The following MED17 variants were observed in gnomAD, a reference collection of about 807,000 sequenced individuals.
The protein encoded by MED17 is mediator complex subunit 17.
A neutral mutation model predicts 80.8 loss-of-function variants in MED17; 49 were observed. That is an observed-to-expected ratio of 0.61 (90% CI 0.48 to 0.77). MED17 has a LOEUF of 0.77. Among genes scored for constraint, MED17 ranks in the 30% least tolerant of loss-of-function variants. The pLI is 0.00. For missense variants in MED17, 718 were observed against 787.0 expected (o/e 0.91, Z 1.05); for synonymous variants, 281 against 280.4 (o/e 1.00, Z -0.02).
chr11:93,784,332 G>A lies in MED17; in HGVS notation c.-182G>A, dbSNP rs1031094148. 8.8e-6 allele frequency: 7 copies of A among 793,906 alleles called. No homozygotes were observed. The highest frequency in any genetic ancestry group is 7.9e-5 in the South Asian group (4 of 50,660). 49.2% of individuals were successfully genotyped at this position (793,906 alleles called of 1,614,324 possible). A position where few individuals can be genotyped will look rare whatever the true frequency, so the allele number is the denominator to read the frequency against. Reference sequence around the variant, plus strand: ...GGAGGGAGCTTGCGGTGCGTTCTGGGAAAGTTGCTGGGCCAGCTCCTTTGT... The same window carrying A: ...GGAGGGAGCTTGCGGTGCGTTCTGGAAAAGTTGCTGGGCCAGCTCCTTTGT... On this transcript the variant is annotated 5_prime_UTR_variant, in exon 1 of 12. Coordinates refer to ENST00000251871, the MANE Select transcript of MED17 (RefSeq NM_004268.5).
chr11:93,803,999 GTATATATATATATATATA>G (rs1166820708), intron 9 of MED17, among the ~76,000 whole-genome samples: 1 of 27,132 alleles, frequency 3.7e-5, no homozygotes, highest in African/African-American at 9.3e-5. Flanking sequence ...ATATGTGTGT[GTATATATATATATATATA>G]TATATATATA....
At chr11:93,791,095 G>A (rs142705162) in intron 3 of MED17, among the ~76,000 whole-genome samples, 37 of 152,306 alleles carry the variant, frequency 2.4e-4, no homozygotes, top group African/African-American at 5.8e-4. Flanking sequence ...GGGACAGAGC[G>A]AGACTCTCTC....
chr11:93,810,012 A>G (rs941401215), intron 11 of MED17, 136 bp downstream of exon 11: 33 of 860,452 alleles, frequency 3.8e-5, no homozygotes, highest in Non-Finnish European at 6.4e-5. Context: ...CCGAATGTTT[A>G]TTTGATCATA....
At chr11:93,795,999 G>A (rs913611644) in intron 6 of MED17, 7 of 189,964 alleles carry the variant, frequency 3.7e-5, no homozygotes, top group African/African-American at 1.7e-4. Flanking sequence ...CCAGGCTGGA[G>A]TGCAATGGCG....
chr11:93,807,647 A>G lies in MED17; in HGVS notation c.1584+12A>G. The G allele has an allele frequency of 6.7e-7, 1 of 1,494,722 alleles. No individual in the cohort carries two copies. The highest frequency in any genetic ancestry group is 9.3e-7 in the Non-Finnish European group (1 of 1,071,516). 92.6% of individuals were successfully genotyped at this position (1,494,722 alleles called of 1,614,324 possible). A position where few individuals can be genotyped will look rare whatever the true frequency, so the allele number is the denominator to read the frequency against. On this transcript the variant is annotated intron_variant, in intron 10 of 11. Transcript: ENST00000251871. Reference sequence around the variant, plus strand: ...TTCTTCTGTCTCAGGTAACAGTTGCAGATTTTGTCTTAAGCCCCCTTCTTC... The same window carrying G: ...TTCTTCTGTCTCAGGTAACAGTTGCGGATTTTGTCTTAAGCCCCCTTCTTC...
intron 11 of MED17, chr11:93,810,083 A>G (rs552719866): frequency 3.2e-5 from 18 of 568,094 alleles, no homozygotes; most frequent in African/African-American, 3.0e-4. Flanking sequence ...AAATGTTTAG[A>G]TTGGCAGCAC....
intron 1 of MED17, among the ~76,000 whole-genome samples, chr11:93,786,670 G>C (rs919468261): frequency 6.6e-6 from 1 of 152,092 alleles, no homozygotes; most frequent in Non-Finnish European, 1.5e-5. Flanking sequence ...GTTTCACCAT[G>C]TTGGCCAGGC....
intron 3 of MED17, among the ~76,000 whole-genome samples, chr11:93,792,623 C>G (rs1943849576): frequency 6.6e-6 from 1 of 152,024 alleles, no homozygotes; most frequent in Admixed American, 6.6e-5. Context: ...AAACTCCTGA[C>G]CTACACAAAA....
chr11:93,796,632 T>G, intron 7 of MED17, 92 bp downstream of exon 7: 1 of 1,391,724 alleles, frequency 7.2e-7, no homozygotes, highest in Admixed American at 1.7e-5. Flanking sequence ...GAGTCTTGAT[T>G]ATTCACATAG....
intron 9 of MED17, among the ~76,000 whole-genome samples, chr11:93,804,182 TG>T (rs1944000500): frequency 6.6e-6 from 1 of 151,800 alleles, no homozygotes; most frequent in South Asian, 2.1e-4. Context: ...TGGAGTCTGT[TG>T]TTCAAGGGCA....
At chr11:93,803,926 GGGTTCTCT>G (rs1424979249) in intron 9 of MED17, among the ~76,000 whole-genome samples, 1 of 150,104 alleles carries the variant, frequency 6.7e-6, no homozygotes, top group East Asian at 2.0e-4. Flanking sequence ...TCGTGTATTA[GGGTTCTCT>G]AGAGGGACAG....
At chr11:93,785,746 C>G (rs553803236) in intron 1 of MED17, among the ~76,000 whole-genome samples, 1 of 152,170 alleles carries the variant, frequency 6.6e-6, no homozygotes, top group Non-Finnish European at 1.5e-5. Context: ...GTGGCTCACA[C>G]CTGTAGTTCC....
At chr11:93,790,516 T>C in intron 2 of MED17, 58 bp from the exon 3 acceptor site, 2 of 1,442,334 alleles carry the variant, frequency 1.4e-6, no homozygotes, top group Non-Finnish European at 1.9e-6. Context: ...ATAAAATGTG[T>C]AATTTTAGAG....
intron 7 of MED17, 27 bp from the exon 8 acceptor site, chr11:93,797,508 G>A (rs751955092): frequency 1.9e-6 from 3 of 1,591,696 alleles, no homozygotes; most frequent in Non-Finnish European, 2.6e-6. Context: ...TGTGGATATT[G>A]GTATTTAAAA....
rs891126837 is a variant in MED17, at chr11:93,784,283, G to A, written c.-231G>A. 4.1e-5 allele frequency: 24 copies of A among 592,204 alleles called. No individual in the cohort carries two copies. The highest frequency in any genetic ancestry group is 6.9e-5 in the Non-Finnish European group (24 of 345,672). The allele number at this position is 592,204 out of a possible 1,614,324, so 36.7% of individuals were successfully genotyped here. ...ACCCTGGAGCTTCCGCGCCTGCCCA[G>A]TTTTGCTCCGAAAGACTTACCGAGG... On this transcript the variant is annotated 5_prime_UTR_variant, in exon 1 of 12. Transcript: ENST00000251871.
At chr11:93,802,559 C>T (rs754212728) in intron 9 of MED17, among the ~76,000 whole-genome samples, 1 of 152,194 alleles carries the variant, frequency 6.6e-6, no homozygotes, top group Non-Finnish European at 1.5e-5. Flanking sequence ...AACCCCGGCA[C>T]TGAGCAGAAG....
chr11:93,796,629 G>A (rs1943905959), intron 7 of MED17, 89 bp downstream of exon 7: 2 of 1,421,680 alleles, frequency 1.4e-6, no homozygotes, highest in South Asian at 1.2e-5. Context: ...GCTGAGTCTT[G>A]ATTATTCACA....
chr11:93,797,682 ATAAT>A lies in MED17; in HGVS notation c.1295_1298del (p.Ile432AsnfsTer8). On this transcript the variant is annotated frameshift_variant, in exon 8 of 12. Transcript: ENST00000251871. LOFTEE classifies it high-confidence loss of function. The stretch of plus-strand genomic sequence containing the variant: ...GTCCAGTGAAGGGCTTCTGGAAAAA[ATAAT>A]TAAACAAGCAAAGCATATTTTTCTA... 6.2e-7 allele frequency: 1 copy of A among 1,613,758 alleles called. No individual in the cohort carries two copies. Among genetic ancestry groups the A allele is most frequent in the Non-Finnish European group, 8.5e-7 (1 of 1,179,696 alleles).
intron 7 of MED17, 95 bp from the exon 8 acceptor site, chr11:93,797,440 A>G (rs1943916213): frequency 2.4e-6 from 3 of 1,239,388 alleles, no homozygotes; most frequent in African/African-American, 1.5e-5. Context: ...GTTCAAATCC[A>G]TTCCTTTCAG....
Sources: gnomAD v4.1 joint callset for allele counts (sites outside exome capture counted in the v4.1 genomes callset) on GRCh38, gnomAD v4.1.1 for gene constraint, MANE v1.5 for transcripts, NCBI Gene and HGNC (gene_info 2026-07-23, HGNC 2026-07-21) for gene names.